The following TG variants were observed in gnomAD, a reference collection of about 807,000 sequenced individuals.
TG encodes the protein thyroglobulin.
TG carries 270 observed loss-of-function variants against 324.7 expected under a neutral mutation model. The ratio of observed to expected loss-of-function variants is 0.83; its 90% CI spans 0.75 to 0.92. The LOEUF (loss-of-function observed/expected upper bound fraction) is 0.92. TG is among the 40% of genes least tolerant of loss of function. TG has a pLI of 0.00. For missense variants in TG, 3,591 were observed against 3,456.4 expected, an observed-to-expected ratio of 1.04 and a Z score of -0.98; for synonymous variants, 1,401 against 1,327.0, an observed-to-expected ratio of 1.06 and a Z score of -1.21.
chr8:132,972,784 A>C (rs779186567), intron 34 of TG, 43 bp downstream of exon 34: 1 of 1,612,886 alleles, frequency 6.2e-7, no homozygotes, highest in South Asian at 1.1e-5. Flanking sequence ...GTCTTTAGTT[A>C]ACTATTTCCC....
intron 41 of TG, chr8:133,047,830 C>A (rs764844116): frequency 1.3e-6 from 2 of 1,558,114 alleles, no homozygotes; most frequent in South Asian, 1.1e-5. Flanking sequence ...GGCCACTCAC[C>A]TTTCTTGGTC....
At chr8:132,908,709 T>A (rs1423584780) in intron 18 of TG, among the ~76,000 whole-genome samples, 3 of 152,082 alleles carry the variant, frequency 2.0e-5, no homozygotes, top group Non-Finnish European at 4.4e-5. Flanking sequence ...TTTGGGGAGA[T>A]GACACTAAAC....
At chr8:133,005,970 G>A (rs1833984158) in intron 35 of TG, among the ~76,000 whole-genome samples, 2 of 152,276 alleles carry the variant, frequency 1.3e-5, no homozygotes, top group South Asian at 4.1e-4. Context: ...TCCCTGCACT[G>A]GAGGAAAAGA....
At chr8:132,972,520 T>C in intron 33 of TG, 78 bp from the exon 34 acceptor site, 2 of 1,539,640 alleles carry the variant, frequency 1.3e-6, no homozygotes, top group Non-Finnish European at 1.8e-6. Context: ...ACTTGCAGAA[T>C]TTTTCTCATT....
chr8:132,878,501 A>G (rs751348888), intron 5 of TG, among the ~76,000 whole-genome samples: 1 of 151,736 alleles, frequency 6.6e-6, no homozygotes, highest in Non-Finnish European at 1.5e-5. Flanking sequence ...CTGTGGTCCC[A>G]TCTACTTAGG....
chr8:133,011,733 A>T (rs1834524835), intron 35 of TG, among the ~76,000 whole-genome samples, 168 bp from the exon 36 acceptor site: 1 of 152,110 alleles, frequency 6.6e-6, no homozygotes, highest in Non-Finnish European at 1.5e-5. Flanking sequence ...TAATTCAATA[A>T]ATACTTGTAG....
chr8:133,007,406 G>A (rs1260218010), intron 35 of TG, among the ~76,000 whole-genome samples: 1 of 151,384 alleles, frequency 6.6e-6, no homozygotes, highest in African/African-American at 2.4e-5. Context: ...GGCTTTTTTT[G>A]TGCCCGTTAA....
chr8:133,134,301 A>G (rs995604723), intron 47 of TG, among the ~76,000 whole-genome samples: 2 of 152,110 alleles, frequency 1.3e-5, no homozygotes, highest in Non-Finnish European at 2.9e-5. Flanking sequence ...GGCTCTAGGA[A>G]GGGTCCCCAG....
intron 34 of TG, among the ~76,000 whole-genome samples, chr8:132,981,245 A>G (rs1337278053): frequency 6.6e-6 from 1 of 152,208 alleles, no homozygotes; most frequent in Non-Finnish European, 1.5e-5. Context: ...CCCCCAGTAG[A>G]TGTGCTGTAG....
Position 132,906,897 on chromosome 8 carries a change from C to T in TG, c.3844C>T (p.Gln1282Ter). ...ACAGCTGCCTCAGCCCCGGGCCTGC[C>T]AACGTGAGTGGCATCAGAGCATCTA... Reference protein sequence around the residue: ...ESQLPQPRACQRPQLWQTIQT... With the variant: ...ESQLPQPRAC Residue 1282 changes from glutamine to a stop codon, truncating the protein, a stop_gained, in exon 17 of 48, where the codon CAA (glutamine) becomes TAA (stop). Transcript: ENST00000220616. LOFTEE classifies it high-confidence loss of function. The T allele has an allele frequency of 6.2e-7, 1 of 1,610,810 alleles. No homozygotes were observed. Among genetic ancestry groups the T allele is most frequent in the Non-Finnish European group, 8.5e-7 (1 of 1,178,686 alleles).
intron 2 of TG, among the ~76,000 whole-genome samples, 170 bp from the exon 3 acceptor site, chr8:132,869,559 G>C (rs893013318): frequency 6.6e-6 from 1 of 152,082 alleles, no homozygotes; most frequent in Non-Finnish European, 1.5e-5. Context: ...GGAAAAGTGG[G>C]GCCTTTCCTT....
intron 43 of TG, among the ~76,000 whole-genome samples, chr8:133,105,772 G>A (rs946968743): frequency 1.3e-5 from 2 of 152,154 alleles, no homozygotes; most frequent in Non-Finnish European, 2.9e-5. Context: ...TGGGAGCCTT[G>A]GCTTTCAAGA....
At chr8:133,077,289 T>C (rs60623927) in intron 41 of TG, among the ~76,000 whole-genome samples, 3,716 of 152,104 alleles carry the variant, frequency 0.024, 157 homozygotes, top group African/African-American at 0.085. Flanking sequence ...TGGGTTCCTG[T>C]TCAAGGGGTC....
Position 132,893,913 on chromosome 8 carries a change from C to T in TG, c.2985C>T (p.Arg995=), listed in dbSNP as rs747339329. 2.6e-5 allele frequency: 42 copies of T among 1,613,920 alleles called. No individual in the cohort carries two copies. In the South Asian group the frequency reaches 4.5e-4, roughly 17 times the overall value. ...TGCGTGGGAGTGATTACGCCATTCG[C>T]CTGGCGGCTCAGTCTAGTGAGTGTG... ...QFLRGSDYAI[R]LAAQSTLSFY... Residue 995 remains arginine (R), a synonymous_variant, in exon 11 of 48, where the codon CGC becomes CGT. Coordinates refer to ENST00000220616, the MANE Select transcript of TG (RefSeq NM_003235.5).
At chr8:133,039,309 C>T (rs796338557) in intron 41 of TG, among the ~76,000 whole-genome samples, 15 of 152,258 alleles carry the variant, frequency 9.9e-5, no homozygotes, top group South Asian at 4.1e-4. Context: ...TCACTTAACC[C>T]GTCTGAACTG....
chr8:133,063,113 G>T (rs1842610996), intron 41 of TG, among the ~76,000 whole-genome samples: 1 of 152,126 alleles, frequency 6.6e-6, no homozygotes, highest in South Asian at 2.1e-4. Flanking sequence ...TTGCCCATTT[G>T]CCACCATCTC....
At chr8:133,066,666 A>G (rs1352766504) in intron 41 of TG, among the ~76,000 whole-genome samples, 3 of 152,244 alleles carry the variant, frequency 2.0e-5, no homozygotes, top group Non-Finnish European at 1.5e-5. Flanking sequence ...GCCTGAGTGC[A>G]GATTCCAGCT....
chr8:133,107,489 C>CA (rs1849900912), intron 43 of TG, among the ~76,000 whole-genome samples: 1 of 152,214 alleles, frequency 6.6e-6, no homozygotes, highest in African/African-American at 2.4e-5. Context: ...GAAGTCAGCA[C>CA]ATGCAGTCAC....
intron 34 of TG, among the ~76,000 whole-genome samples, chr8:132,976,710 G>A (rs1830218764): frequency 6.6e-6 from 1 of 152,176 alleles, no homozygotes; most frequent in Non-Finnish European, 1.5e-5. Context: ...GATGCACATG[G>A]CTTATGGGCA....
Sources: gnomAD v4.1 joint callset for allele counts (sites outside exome capture counted in the v4.1 genomes callset) on GRCh38, gnomAD v4.1.1 for gene constraint, MANE v1.5 for transcripts, NCBI Gene and HGNC (gene_info 2026-07-23, HGNC 2026-07-21) for gene names.